The following PEAK1 variants were observed in gnomAD, a reference collection of about 807,000 sequenced individuals.
PEAK1 encodes the protein inactive tyrosine-protein kinase PEAK1.
PEAK1 carries 54 observed loss-of-function variants against 124.7 expected under a neutral mutation model. The observed-to-expected ratio is 0.43, with a 90% confidence interval of 0.35 to 0.54. The LOEUF is 0.54. Among genes scored for constraint, PEAK1 ranks in the 20% least tolerant of loss-of-function variants. PEAK1 has a pLI of 0.01. For missense variants in PEAK1, 2,046 were observed against 2,134.5 expected (o/e 0.96, Z 0.82); for synonymous variants, 719 against 760.0 (o/e 0.95, Z 0.89).
At chr15:77,254,419 A>G (rs2061030576) in intron 5 of PEAK1, among the ~76,000 whole-genome samples, 2 of 151,898 alleles carry the variant, frequency 1.3e-5, no homozygotes, top group Non-Finnish European at 2.9e-5. Flanking sequence ...GTAAGCAGCA[A>G]TGAGTATTTA....
intron 1 of PEAK1, chr15:77,381,269 G>A: frequency 1.0e-6 from 1 of 962,904 alleles, no homozygotes; most frequent in South Asian, 4.8e-5. Flanking sequence ...TACAGCAATG[G>A]CCAGATGCAG....
chr15:77,176,703 A>G (rs953269798), intron 7 of PEAK1, among the ~76,000 whole-genome samples: 1 of 152,228 alleles, frequency 6.6e-6, no homozygotes, highest in African/African-American at 2.4e-5. Flanking sequence ...GCTGTATAGT[A>G]AGAGGTCTGC....
chr15:77,303,892 C>T (rs147422576), intron 2 of PEAK1, among the ~76,000 whole-genome samples: 17 of 152,284 alleles, frequency 1.1e-4, no homozygotes, highest in Admixed American at 9.8e-4. Context: ...TTAATTATTG[C>T]ATAAATTATA....
rs1171225324 is a variant in PEAK1 at position 77,234,813 on chromosome 15, AT to A, written c.-115+17553del. On this transcript the variant is annotated intron_variant, in intron 6 of 9. Transcript: ENST00000682557. ...ACCATGTCCAGCTAATTAAAAAAAA[AT>A]ATATATATTTTTTTGAGACAGGGTC... Among the ~76,000 whole-genome samples, 150 of 150,564 alleles carry A rather than the reference AT, an allele frequency of 1.0e-3. 4 individuals carry two copies. The highest frequency in any genetic ancestry group is 1.3e-3 in the South Asian group (6 of 4,718).
In PEAK1 at chr15:77,283,873, A is replaced by C; in HGVS notation, c.-275+10T>G. On this transcript the variant is annotated intron_variant, in intron 5 of 9. Coordinates refer to ENST00000682557, the MANE Select transcript of PEAK1 (RefSeq NM_001385026.1). Reference sequence around the variant, plus strand: ...CAACTCATAGACCTTATTACTTGCCACTTCCTTACCTCTTTGTTACTGTTA... The same window carrying C: ...CAACTCATAGACCTTATTACTTGCCCCTTCCTTACCTCTTTGTTACTGTTA... 1.0e-6 allele frequency: 1 copy of C among 976,780 alleles called. No individual in the cohort carries two copies. The highest frequency in any genetic ancestry group is 1.2e-6 in the Non-Finnish European group (1 of 822,032). The allele number at this position is 976,780 out of a possible 1,614,324, so 60.5% of individuals were successfully genotyped here.
At chr15:77,162,181 T>G (rs1844696579) in intron 7 of PEAK1, among the ~76,000 whole-genome samples, 2 of 151,922 alleles carry the variant, frequency 1.3e-5, no homozygotes, top group Admixed American at 1.3e-4. Context: ...TAATTTATCA[T>G]TAGGCACATT....
chr15:77,130,567 G>A lies in PEAK1; in HGVS notation c.4077+2438C>T, dbSNP rs928978047. Among the ~76,000 whole-genome samples the A allele has an allele frequency of 3.9e-5, 6 of 152,180 alleles. No individual in the cohort carries two copies. The East Asian group carries it at 1.2e-3, about 29-fold the overall frequency. ...TCTTGATAGACAGGTAAGGCCAATC[G>A]TTACCTTATCCATTAATTTGCTAAG... On this transcript the variant is annotated intron_variant, in intron 9 of 9. Transcript: ENST00000682557.
At chr15:77,236,057 TC>T (rs2060107382) in intron 6 of PEAK1, among the ~76,000 whole-genome samples, 2 of 151,972 alleles carry the variant, frequency 1.3e-5, no homozygotes, top group Non-Finnish European at 2.9e-5. Flanking sequence ...AGGGGCAGAG[TC>T]CTCATGAAGA....
At chr15:77,378,210 AT>A (rs1841520076) in intron 1 of PEAK1, among the ~76,000 whole-genome samples, 2 of 72,990 alleles carry the variant, frequency 2.7e-5, no homozygotes, top group Admixed American at 1.6e-4. Context: ...ATATATATAC[AT>A]AATCCCATAA....
intron 6 of PEAK1, among the ~76,000 whole-genome samples, chr15:77,230,650 C>T (rs1485716264): frequency 6.6e-6 from 1 of 151,948 alleles, no homozygotes; most frequent in Non-Finnish European, 1.5e-5. Context: ...GTAATCCCAC[C>T]AATTTGGAAA....
At position 77,179,177 on chromosome 15, in the gene PEAK1, G is replaced by A. The variant is rs755589359; in HGVS notation, c.2750C>T (p.Ala917Val). 1.7e-5 allele frequency: 27 copies of A among 1,614,042 alleles called. No homozygotes were observed. The highest frequency in any genetic ancestry group is 3.4e-6 in the Non-Finnish European group (4 of 1,180,030). The change falls in exon 7 of 10, where the codon GCA (alanine) becomes GTA (valine). Residue 917 changes from alanine (A) to valine (V), a missense_variant. Transcript: ENST00000682557. ...SVLHSEGSRRAADAKPKRWIS... is the reference protein window; with the variant it reads ...SVLHSEGSRRVADAKPKRWIS... The stretch of plus-strand genomic sequence containing the variant: ...CCAGCGCTTAGGTTTTGCATCAGCT[G>A]CCCGCCTGCTGCCTTCAGAGTGCAA...
chr15:77,150,154 T>C (rs1017814433), intron 8 of PEAK1, among the ~76,000 whole-genome samples: 11 of 152,228 alleles, frequency 7.2e-5, no homozygotes, highest in Non-Finnish European at 1.5e-4. Context: ...TGATGATGTT[T>C]TTTTTAAGTC....
intron 9 of PEAK1, among the ~76,000 whole-genome samples, chr15:77,132,531 C>A (rs2152740270): frequency 6.6e-6 from 1 of 152,136 alleles, no homozygotes; most frequent in East Asian, 1.9e-4. Flanking sequence ...CCCATCTCCA[C>A]TAAAAATATA....
intron 6 of PEAK1, chr15:77,205,189 GT>G: frequency 1.5e-5 from 4 of 260,676 alleles, no homozygotes; most frequent in Admixed American, 5.4e-5. Flanking sequence ...GTAAGTGCAA[GT>G]TTTTTTAGTA....
rs555544274 is a variant in PEAK1 at position 77,246,013 on chromosome 15, C to CTTT, written c.-115+6351_-115+6353dup. 4.8e-3 allele frequency among the ~76,000 whole-genome samples: 673 copies of CTTT among 141,280 alleles called. 3 individuals are homozygous for CTTT. Among genetic ancestry groups the CTTT allele is most frequent in the African/African-American group, 0.016 (624 of 38,674 alleles). 92.7% of individuals were successfully genotyped at this position (141,280 alleles called of 152,430 possible). A position where few individuals can be genotyped will look rare whatever the true frequency, so the allele number is the denominator to read the frequency against. ...CTCCTATAAAAAAATACCTGCTAGA[C>CTTT]TTTTTTTTTTTTTTGAGAAAGAGTC... is the stretch of plus-strand genomic sequence containing the variant. On this transcript the variant is annotated intron_variant, in intron 6 of 9. Transcript: ENST00000682557.
At chr15:77,254,981 G>T (rs544223148) in intron 5 of PEAK1, among the ~76,000 whole-genome samples, 1 of 152,274 alleles carries the variant, frequency 6.6e-6, no homozygotes, top group East Asian at 1.9e-4. Context: ...TGAAGATGCT[G>T]TTTTAGATAG....
At chr15:77,120,949 T>C (rs2051857494) in intron 9 of PEAK1, among the ~76,000 whole-genome samples, 1 of 152,200 alleles carries the variant, frequency 6.6e-6, no homozygotes, top group Non-Finnish European at 1.5e-5. Flanking sequence ...TTCTCAGGCA[T>C]TACTTTATCA....
intron 5 of PEAK1, among the ~76,000 whole-genome samples, chr15:77,283,159 G>T (rs2062757327): frequency 6.6e-6 from 1 of 152,068 alleles, no homozygotes; most frequent in Non-Finnish European, 1.5e-5. Context: ...CTTCAGAAAG[G>T]ACATAATACA....
chr15:77,400,399 T>G (rs532369400), intron 1 of PEAK1, among the ~76,000 whole-genome samples: 2 of 152,230 alleles, frequency 1.3e-5, no homozygotes, highest in African/African-American at 4.8e-5. Flanking sequence ...TAGCTAAGAT[T>G]TGGAAGCAAC....
Sources: allele counts gnomAD v4.1 joint callset (sites outside exome capture counted in the v4.1 genomes callset), GRCh38; gene constraint gnomAD v4.1.1; transcripts MANE v1.5; gene names NCBI Gene and HGNC (gene_info 2026-07-23, HGNC 2026-07-21).